LRIG1: variants seen among roughly 807,000 people sequenced by gnomAD.
The protein encoded by LRIG1 is leucine rich repeats and immunoglobulin like domains 1.
LRIG1 carries 48 observed loss-of-function variants against 99.2 expected under a neutral mutation model. The observed-to-expected ratio is 0.48, with a 90% confidence interval of 0.38 to 0.62. The LOEUF (loss-of-function observed/expected upper bound fraction) is 0.62. LRIG1 is among the 20% of genes least tolerant of loss of function. LRIG1 has a pLI of 0.00. For synonymous variants in LRIG1, 772 were observed against 596.1 expected, an observed-to-expected ratio of 1.29 and a Z score of -4.30; for missense variants, 1,646 against 1,434.4, an observed-to-expected ratio of 1.15 and a Z score of -2.38.
intron 8 of LRIG1, among the ~76,000 whole-genome samples, chr3:66,407,084 A>G (rs995340067): frequency 1.3e-5 from 2 of 152,188 alleles, no homozygotes; most frequent in African/African-American, 4.8e-5. Context: ...CAACGTGGGC[A>G]TCACTGCTTG....
intron 9 of LRIG1, chr3:66,404,188 T>C: frequency 1.6e-6 from 2 of 1,249,264 alleles, no homozygotes; most frequent in Non-Finnish European, 2.1e-6. Flanking sequence ...AGCCACGCTT[T>C]TCAAAACAAA....
intron 12 of LRIG1, 93 bp from the exon 13 acceptor site, chr3:66,386,394 C>A: frequency 3.7e-6 from 4 of 1,078,650 alleles, no homozygotes; most frequent in Non-Finnish European, 4.1e-6. Context: ...ACACAGACAC[C>A]AAGCAGGAAC....
chr3:66,497,925 A>C (rs1389520012), intron 1 of LRIG1, among the ~76,000 whole-genome samples: 4 of 152,172 alleles, frequency 2.6e-5, no homozygotes, highest in Non-Finnish European at 5.9e-5. Context: ...TCTCCCCTAA[A>C]GTCTTGCTGA....
chr3:66,439,148 T>C (rs372636497), intron 3 of LRIG1, among the ~76,000 whole-genome samples: 1 of 152,218 alleles, frequency 6.6e-6, no homozygotes, highest in East Asian at 1.9e-4. Flanking sequence ...CACAGCTGTC[T>C]GCAAGGCCAT....
chr3:66,435,348 C>T (rs1703320823), intron 3 of LRIG1, among the ~76,000 whole-genome samples: 1 of 152,128 alleles, frequency 6.6e-6, no homozygotes, highest in African/African-American at 2.4e-5. Context: ...CACTTGAGGT[C>T]AGGAGTTTGA....
chr3:66,397,151 C>T (rs150702711), intron 11 of LRIG1, among the ~76,000 whole-genome samples: 1 of 152,326 alleles, frequency 6.6e-6, no homozygotes, highest in Non-Finnish European at 1.5e-5. Flanking sequence ...GCATGCTGAA[C>T]ATCACAGGGC....
rs148128622 is a variant in LRIG1, at chr3:66,384,768, G to A, written c.1790-496C>T. Reference sequence around the variant, plus strand: ...ATGGTTGTTCACCCAGGCTGTTCCTGCCCACTGCCGTATACCCAGGCAGGA... The same window carrying A: ...ATGGTTGTTCACCCAGGCTGTTCCTACCCACTGCCGTATACCCAGGCAGGA... On this transcript the variant is annotated intron_variant, in intron 13 of 18. Coordinates refer to ENST00000273261, the MANE Select transcript of LRIG1 (RefSeq NM_015541.3). Among the ~76,000 whole-genome samples the A allele has an allele frequency of 2.1e-3, 314 of 152,278 alleles. 2 individuals carry two copies. Among genetic ancestry groups the A allele is most frequent in the African/African-American group, 7.4e-3 (309 of 41,550 alleles).
intron 1 of LRIG1, among the ~76,000 whole-genome samples, chr3:66,498,941 C>T (rs1701288964): frequency 6.6e-6 from 1 of 152,232 alleles, no homozygotes; most frequent in Non-Finnish European, 1.5e-5. Context: ...GATCAAGCCA[C>T]AGGTGCTGGT....
intron 2 of LRIG1, among the ~76,000 whole-genome samples, chr3:66,462,073 A>T (rs879741758): frequency 1.2e-4 from 19 of 152,174 alleles, no homozygotes; most frequent in African/African-American, 4.6e-4. Context: ...GCAAAATCTC[A>T]TCTCTACTAA....
intron 18 of LRIG1, 38 bp downstream of exon 18, chr3:66,380,539 G>C (rs199639131): frequency 3.7e-6 from 6 of 1,613,472 alleles, no homozygotes; most frequent in Non-Finnish European, 5.1e-6. Context: ...CGTTTAAGCA[G>C]CTCCCAACCC....
chr3:66,404,867 A>T lies in LRIG1; in HGVS notation c.1160+331T>A, dbSNP rs377066904. On this transcript the variant is annotated intron_variant, in intron 9 of 18. Coordinates refer to ENST00000273261, the MANE Select transcript of LRIG1 (RefSeq NM_015541.3). The stretch of plus-strand genomic sequence containing the variant: ...ACACAACTTTGAGAAACCCAGTAAC[A>T]GGGCAAGACTCCTTTGTACAAAGGG... Among the ~76,000 whole-genome samples the T allele has an allele frequency of 4.6e-5, 7 of 152,314 alleles. No homozygotes were observed. The South Asian group carries it at 8.3e-4, about 18-fold the overall frequency.
chr3:66,489,748 T>C (rs752442463), intron 1 of LRIG1, among the ~76,000 whole-genome samples: 1 of 152,242 alleles, frequency 6.6e-6, no homozygotes, highest in Non-Finnish European at 1.5e-5. Context: ...CCCAAGGTTA[T>C]GCTGCCAATC....
chr3:66,466,082 A>C (rs1700466578), intron 1 of LRIG1, among the ~76,000 whole-genome samples: 1 of 152,126 alleles, frequency 6.6e-6, no homozygotes, highest in Non-Finnish European at 1.5e-5. Context: ...CCCAGGCTGG[A>C]ATGCAGTGGT....
Position 66,383,101 on chromosome 3 carries a change from G to C in LRIG1, c.2372C>G (p.Thr791Ser). Residue 791 changes from threonine (T) to serine (S), a missense_variant, in exon 15 of 19, where the codon ACC becomes AGC. Physicochemically the swap from Thr to Ser is moderately conservative, Grantham distance 58. Transcript: ENST00000273261. ...LPAAGCRKDG[T>S]TVGIFTIAVV... ...AGCAATGGTGAAGATGCCTACCGTG[G>C]TCCCATCCTTCCTGCAGCCTGCTGC... 1 of 1,614,240 alleles carries C rather than the reference G, an allele frequency of 6.2e-7. No homozygotes were observed. Among genetic ancestry groups the C allele is most frequent in the Non-Finnish European group, 8.5e-7 (1 of 1,180,048 alleles).
At chr3:66,435,228 A>T (rs7624414) in intron 3 of LRIG1, among the ~76,000 whole-genome samples, 6,409 of 152,192 alleles carry the variant, frequency 0.042, 428 homozygotes, top group African/African-American at 0.14. Flanking sequence ...TAAAACTCTA[A>T]ATGAAAAAAC....
intron 1 of LRIG1, among the ~76,000 whole-genome samples, chr3:66,495,350 G>A (rs2106935517): frequency 6.6e-6 from 1 of 152,228 alleles, no homozygotes; most frequent in African/African-American, 2.4e-5. Context: ...AAACAGCTCT[G>A]AATATTAACA....
intron 11 of LRIG1, among the ~76,000 whole-genome samples, chr3:66,396,981 C>T (rs189062195): frequency 2.5e-4 from 38 of 152,254 alleles, no homozygotes; most frequent in African/African-American, 8.4e-4. Context: ...CCGTCTCACC[C>T]GACAGATGGA....
At chr3:66,423,357 G>C (rs1193355064) in intron 3 of LRIG1, among the ~76,000 whole-genome samples, 1 of 151,980 alleles carries the variant, frequency 6.6e-6, no homozygotes, top group Non-Finnish European at 1.5e-5. Context: ...GATCACCTTA[G>C]GTCAGGAGTT....
chr3:66,489,849 T>C (rs761688990), intron 1 of LRIG1, among the ~76,000 whole-genome samples: 61 of 152,120 alleles, frequency 4.0e-4, no homozygotes, highest in Non-Finnish European at 7.5e-4. Flanking sequence ...TTCATGACTT[T>C]AAGAAAATTA....
Sources: allele counts gnomAD v4.1 joint callset (sites outside exome capture counted in the v4.1 genomes callset), GRCh38; gene constraint gnomAD v4.1.1; transcripts MANE v1.5; gene names NCBI Gene and HGNC (gene_info 2026-07-23, HGNC 2026-07-21).